The following SNRNP200 variants were observed in gnomAD, a reference collection of about 807,000 sequenced individuals.
SNRNP200 encodes small nuclear ribonucleoprotein U5 subunit 200.
In SNRNP200, 66 loss-of-function variants were observed where a neutral mutation model predicts 255.2. The ratio of observed to expected loss-of-function variants is 0.26; its 90% CI spans 0.21 to 0.32. The LOEUF (loss-of-function observed/expected upper bound fraction) is 0.32. Among genes scored for constraint, SNRNP200 ranks in the 10% least tolerant of loss-of-function variants. The pLI is 1.00. For synonymous variants in SNRNP200, 939 were observed against 1,027.8 expected (o/e 0.91, Z 1.65); for missense variants, 1,585 against 2,749.8 (o/e 0.58, Z 9.47).
intron 6 of SNRNP200, 150 bp downstream of exon 6, chr2:96,299,179 A>G: frequency 1.0e-6 from 1 of 962,946 alleles, no homozygotes; most frequent in East Asian, 2.4e-5. Flanking sequence ...AACCGACAGA[A>G]ATTTTAAGAA....
chr2:96,281,765 C>G, intron 35 of SNRNP200, 49 bp downstream of exon 35: 4 of 1,380,310 alleles, frequency 2.9e-6, no homozygotes, highest in Non-Finnish European at 4.1e-6. Flanking sequence ...GATTCACATT[C>G]ATTTTAGGAA....
At chr2:96,298,144 C>T (rs1483224680) in intron 9 of SNRNP200, 140 bp downstream of exon 9, 12 of 1,205,802 alleles carry the variant, frequency 1.0e-5, no homozygotes, top group Non-Finnish European at 1.2e-5. Flanking sequence ...TGATTCTAAC[C>T]TGTATGCACT....
Position 96,287,356 on chromosome 2 carries a change from A to T in SNRNP200, c.3484+83T>A, listed in dbSNP as rs922258727. On this transcript the variant is annotated intron_variant, in intron 26 of 44. Transcript: ENST00000323853. The surrounding 1 kb of genome is among the most constrained non-coding windows in gnomAD (Gnocchi z 5.7). ...GAGTGAACACAGGATACTAATGCACAGGCCTAGGAACAGGAAGACTACATA... is the reference window on the plus strand; with the variant it reads ...GAGTGAACACAGGATACTAATGCACTGGCCTAGGAACAGGAAGACTACATA... 29 of 1,189,606 alleles carry T rather than the reference A, an allele frequency of 2.4e-5. No individual in the cohort carries two copies. In the African/African-American group the frequency reaches 4.1e-4, roughly 17 times the overall value. 73.7% of individuals were successfully genotyped at this position (1,189,606 alleles called of 1,614,324 possible). A position where few individuals can be genotyped will look rare whatever the true frequency, so the allele number is the denominator to read the frequency against.
chr2:96,290,973 G>A lies in SNRNP200; in HGVS notation c.2422-158C>T, dbSNP rs1360248578. 1.3e-5 allele frequency among the ~76,000 whole-genome samples: 2 copies of A among 152,168 alleles called. No individual in the cohort carries two copies. Among genetic ancestry groups the A allele is most frequent in the Non-Finnish European group, 2.9e-5 (2 of 68,022 alleles). ...TGTCAATGTGACACCAGAATAAAGAGGAAAGGTTTCCTTGGGTTCCTCATC... is the reference window on the plus strand; with the variant it reads ...TGTCAATGTGACACCAGAATAAAGAAGAAAGGTTTCCTTGGGTTCCTCATC... On this transcript the variant is annotated intron_variant, in intron 18 of 44. Transcript: ENST00000323853. This position sits in a 1 kb window ranked among gnomAD's most constrained non-coding sequence, Gnocchi z 4.5.
rs1300095402 is a variant in SNRNP200, at chr2:96,283,172, C to T, written c.4915+29G>A. ...ACACCACCACTTGGTGATACCCTTG[C>T]TATGCTCCCCTTCCGTGGCCTGACT... On this transcript the variant is annotated intron_variant, in intron 34 of 44. Transcript: ENST00000323853. This position sits in a 1 kb window ranked among gnomAD's most constrained non-coding sequence, Gnocchi z 4.7. 1 of 1,613,136 alleles carries T rather than the reference C, an allele frequency of 6.2e-7. No individual in the cohort carries two copies. The highest frequency in any genetic ancestry group is 2.2e-5 in the East Asian group (1 of 44,890).
intron 6 of SNRNP200, 110 bp downstream of exon 6, chr2:96,299,219 C>A: frequency 9.4e-7 from 1 of 1,068,528 alleles, no homozygotes; most frequent in South Asian, 1.2e-5. Context: ...TATTATAGTT[C>A]ACTCCAGCAA....
intron 13 of SNRNP200, 135 bp from the exon 14 acceptor site, chr2:96,295,793 T>C (rs2063913260): frequency 2.3e-6 from 2 of 878,218 alleles, no homozygotes; most frequent in Admixed American, 2.0e-5. Context: ...GAATCAGATC[T>C]TATGAACATA....
chr2:96,284,741 A>C (rs1573992354), intron 30 of SNRNP200, 156 bp from the exon 31 acceptor site: 1 of 636,906 alleles, frequency 1.6e-6, no homozygotes. Flanking sequence ...GCGATGGGGC[A>C]GCTTTTTCTT....
At chr2:96,275,377 A>T (rs1684637304) in intron 43 of SNRNP200, 28 bp from the exon 44 acceptor site, 2 of 1,604,310 alleles carry the variant, frequency 1.2e-6, no homozygotes, top group South Asian at 2.2e-5. Flanking sequence ...CAAGAATTTC[A>T]GCATGTAAAA....
rs201771661 is a variant in SNRNP200, at chr2:96,278,608, G to T, written c.5427C>A (p.Asp1809Glu). ...TCATGCCTAGGTTCAGAGGCGCCAC[G>T]TCCATCTCGTCCTCGATGCTGATGC... Reference protein sequence around the residue: ...SKCISIEDEMDVAPLNLGMIA... With the variant: ...SKCISIEDEMEVAPLNLGMIA... Residue 1809 changes from aspartate to glutamate, a missense_variant, in exon 38 of 45, where the codon GAC becomes GAA. Coordinates refer to ENST00000323853, the MANE Select transcript of SNRNP200 (RefSeq NM_014014.5). This position sits in a 1 kb window ranked among gnomAD's most constrained non-coding sequence, Gnocchi z 6.9. 1.9e-6 allele frequency: 3 copies of T among 1,614,082 alleles called. No individual in the cohort carries two copies. Among genetic ancestry groups the T allele is most frequent in the African/African-American group, 1.3e-5 (1 of 74,922 alleles).
intron 2 of SNRNP200, among the ~76,000 whole-genome samples, chr2:96,303,684 G>A (rs1191619487): frequency 6.6e-6 from 1 of 152,182 alleles, no homozygotes; most frequent in Non-Finnish European, 1.5e-5. Context: ...GAGGTCAGGA[G>A]TTCAAGACCA....
In SNRNP200 at chr2:96,278,140, C is replaced by A; in HGVS notation, c.5610+97G>T. ...GACATATGGCGGGGGTCGGGGGATG[C>A]GTATGGGCGTGTTGGTGGCAGGGAT... On this transcript the variant is annotated intron_variant, in intron 39 of 44. Transcript: ENST00000323853. The surrounding 1 kb of genome is among the most constrained non-coding windows in gnomAD (Gnocchi z 6.9). 4 of 1,585,424 alleles carry A rather than the reference C, an allele frequency of 2.5e-6. No individual in the cohort carries two copies. The South Asian group carries it at 4.4e-5, about 18-fold the overall frequency.
chr2:96,291,110 A>C lies in SNRNP200; in HGVS notation c.2421+282T>G, dbSNP rs189041644. ...AGAGCCTATCCGGAAAGAGGGAACG[A>C]CAAGGGCACGCGTGCCCCCATGAGA... On this transcript the variant is annotated intron_variant, in intron 18 of 44. Coordinates refer to ENST00000323853, the MANE Select transcript of SNRNP200 (RefSeq NM_014014.5). The surrounding 1 kb of genome is among the most constrained non-coding windows in gnomAD (Gnocchi z 4.2). Among the ~76,000 whole-genome samples the C allele has an allele frequency of 1.3e-5, 2 of 152,314 alleles. No individual in the cohort carries two copies. The highest frequency in any genetic ancestry group is 3.9e-4 in the East Asian group (2 of 5,176).
chr2:96,285,142 T>G (rs1558765894), intron 30 of SNRNP200, 38 bp downstream of exon 30: 2 of 1,611,540 alleles, frequency 1.2e-6, no homozygotes, highest in Non-Finnish European at 1.7e-6. Flanking sequence ...GATGAAATGC[T>G]TCTTGGGAAA....
Position 96,291,635 on chromosome 2 carries a change from A to G in SNRNP200, c.2310+116T>C. 1 of 1,341,604 alleles carries G rather than the reference A, an allele frequency of 7.5e-7. No individual in the cohort carries two copies. The highest frequency in any genetic ancestry group is 1.1e-6 in the Non-Finnish European group (1 of 936,886). The allele number at this position is 1,341,604 out of a possible 1,614,324, so 83.1% of individuals were successfully genotyped here. ...AGTAATAATCACATCCAGACAATCAACCTTAACCCATGGGAAACAACAATA... is the reference window on the plus strand; with the variant it reads ...AGTAATAATCACATCCAGACAATCAGCCTTAACCCATGGGAAACAACAATA... On this transcript the variant is annotated intron_variant, in intron 17 of 44. Coordinates refer to ENST00000323853, the MANE Select transcript of SNRNP200 (RefSeq NM_014014.5). The surrounding 1 kb of genome is among the most constrained non-coding windows in gnomAD (Gnocchi z 4.2).
Position 96,292,969 on chromosome 2 carries a change from A to C in SNRNP200, c.2160+3T>G. On this transcript the variant is annotated splice_donor_region_variant and intron_variant, in intron 16 of 44. Transcript: ENST00000323853. ...CAAGAGTAACCATAAACCACGGGCAAACCTGATTTTTTCCAGCATGTTCCA... is the reference window on the plus strand; with the variant it reads ...CAAGAGTAACCATAAACCACGGGCACACCTGATTTTTTCCAGCATGTTCCA... 6.2e-7 allele frequency: 1 copy of C among 1,614,120 alleles called. No homozygotes were observed. Among genetic ancestry groups the C allele is most frequent in the South Asian group, 1.1e-5 (1 of 91,084 alleles).
Position 96,283,642 on chromosome 2 carries a change from C to T in SNRNP200, c.4656G>A (p.Lys1552=). The change falls in exon 33 of 45, where the codon AAG becomes AAA. Residue 1552 remains lysine (K), a synonymous_variant. Transcript: ENST00000323853. The surrounding 1 kb of genome is among the most constrained non-coding windows in gnomAD (Gnocchi z 4.7). The part of the protein sequence containing the change: ...MAKPVYHAIT[K]HSPKKPVIVF... ...CAATGACAGGCTTCTTGGGCGAGTGCTTGGTGATAGCATGGTACACAGGCT... is the reference window on the plus strand; with the variant it reads ...CAATGACAGGCTTCTTGGGCGAGTGTTTGGTGATAGCATGGTACACAGGCT... 6.2e-7 allele frequency: 1 copy of T among 1,614,100 alleles called. No homozygotes were observed. The highest frequency in any genetic ancestry group is 8.5e-7 in the Non-Finnish European group (1 of 1,180,028).
chr2:96,276,870 T>G, intron 43 of SNRNP200, 34 bp downstream of exon 43: 1 of 1,608,986 alleles, frequency 6.2e-7, no homozygotes, highest in Non-Finnish European at 8.5e-7. Context: ...ATAGGGTGAG[T>G]TGACACCTGA....
At chr2:96,276,420 A>ATTT (rs34749374) in intron 43 of SNRNP200, 34 of 160,688 alleles carry the variant, frequency 2.1e-4, no homozygotes, top group South Asian at 3.9e-4. Flanking sequence ...AGTCATCTAA[A>ATTT]TTTTTTTTTT....
Sources: gnomAD v4.1 joint callset for allele counts (sites outside exome capture counted in the v4.1 genomes callset) on GRCh38, gnomAD v4.1.1 for gene constraint, Gnocchi (gnomAD v3.1) non-coding constraint, MANE v1.5 for transcripts, NCBI Gene and HGNC (gene_info 2026-07-23, HGNC 2026-07-21) for gene names.